NEURL1: variants seen among roughly 807,000 people sequenced by gnomAD.
NEURL1 encodes E3 ubiquitin-protein ligase NEURL1.
A neutral mutation model predicts 41.2 loss-of-function variants in NEURL1; 26 were observed. The ratio of observed to expected loss-of-function variants is 0.63; its 90% CI spans 0.46 to 0.87. The LOEUF is 0.87. NEURL1 is among the 40% of genes least tolerant of loss of function. The pLI is 0.00. For synonymous variants in NEURL1, 400 were observed against 402.3 expected, an observed-to-expected ratio of 0.99 and a Z score of 0.07; for missense variants, 761 against 871.1, an observed-to-expected ratio of 0.87 and a Z score of 1.59.
intron 1 of NEURL1, among the ~76,000 whole-genome samples, chr10:103,496,465 G>C (rs1432137571): frequency 6.6e-6 from 1 of 152,190 alleles, no homozygotes; most frequent in Non-Finnish European, 1.5e-5. Flanking sequence ...AAAAATGCTT[G>C]TAAAGTTTCC....
chr10:103,516,037 G>A (rs2034196860), intron 1 of NEURL1, among the ~76,000 whole-genome samples: 1 of 151,998 alleles, frequency 6.6e-6, no homozygotes, highest in African/African-American at 2.4e-5. Flanking sequence ...AGACCAGCCT[G>A]AGCAACATTG....
intron 1 of NEURL1, among the ~76,000 whole-genome samples, chr10:103,536,655 C>T (rs982275848): frequency 2.0e-5 from 3 of 152,146 alleles, no homozygotes; most frequent in Non-Finnish European, 4.4e-5. Flanking sequence ...GTCTTGTTCT[C>T]CTCCCGAGTG....
intron 1 of NEURL1, among the ~76,000 whole-genome samples, chr10:103,506,562 T>C (rs2133847037): frequency 6.6e-6 from 1 of 151,320 alleles, no homozygotes; most frequent in South Asian, 2.1e-4. Context: ...GTCTGCTGTC[T>C]GCTTTTTTTT....
Position 103,584,587 on chromosome 10 carries a change from T to C in NEURL1, c.701T>C (p.Leu234Pro). The C allele has an allele frequency of 7.1e-7, 1 of 1,414,600 alleles. No individual in the cohort carries two copies. Among genetic ancestry groups the C allele is most frequent in the Non-Finnish European group, 9.2e-7 (1 of 1,090,060 alleles). The allele number at this position is 1,414,600 out of a possible 1,614,324, so 87.6% of individuals were successfully genotyped here. ...DCLRPRSFTA[L>P]RRPSLRREAD... ...CTGCGGCCGCGCTCCTTCACCGCCCTGCGGCGGCCGTCGCTGCGGCGCGAG... is the reference window on the plus strand; with the variant it reads ...CTGCGGCCGCGCTCCTTCACCGCCCCGCGGCGGCCGTCGCTGCGGCGCGAG... The change falls in exon 4 of 6, where the codon CTG becomes CCG. Residue 234 changes from leucine (L) to proline (P), a missense_variant. Leu to Pro is a moderately conservative substitution (Grantham distance 98). This residue lies in a region of NEURL1 where 114 missense variants were observed against 144.8 expected (regional missense o/e 0.79). Coordinates refer to ENST00000369780, the MANE Select transcript of NEURL1 (RefSeq NM_004210.5).
At position 103,545,337 on chromosome 10, in the gene NEURL1, G is replaced by A. The variant is rs866035449; in HGVS notation, c.86-25535G>A. Among the ~76,000 whole-genome samples the A allele has an allele frequency of 6.6e-6, 1 of 152,206 alleles. No homozygotes were observed. The highest frequency in any genetic ancestry group is 2.1e-4 in the South Asian group (1 of 4,830). ...GCCAGCCACATGCCCATGGTCCCCA[G>A]GTCTTTAGGGACTAAAAGCCCCTGT... On this transcript the variant is annotated intron_variant, in intron 1 of 5. Coordinates refer to ENST00000369780, the MANE Select transcript of NEURL1 (RefSeq NM_004210.5). This position sits in a 1 kb window ranked among gnomAD's most constrained non-coding sequence, Gnocchi z 4.5.
In NEURL1 at chr10:103,590,627, C is replaced by G. The variant is rs1473869273; in HGVS notation, c.*255C>G. ...CTCCCTGTCTCTCCCGTCTCTGCAC[C>G]CAGCTCCTCTCTGCATGCTGAGGGC... On this transcript the variant is annotated 3_prime_UTR_variant, in exon 6 of 6. Coordinates refer to ENST00000369780, the MANE Select transcript of NEURL1 (RefSeq NM_004210.5). 2 of 539,742 alleles carry G rather than the reference C, an allele frequency of 3.7e-6. No individual in the cohort carries two copies. The highest frequency in any genetic ancestry group is 6.7e-6 in the Non-Finnish European group (2 of 300,426). 33.4% of individuals were successfully genotyped at this position (539,742 alleles called of 1,614,324 possible). A position where few individuals can be genotyped will look rare whatever the true frequency, so the allele number is the denominator to read the frequency against.
chr10:103,551,684 C>T (rs1272821555), intron 1 of NEURL1, among the ~76,000 whole-genome samples: 1 of 152,218 alleles, frequency 6.6e-6, no homozygotes. Flanking sequence ...GGGGCTGCCT[C>T]TCCCTCTAGA....
At chr10:103,564,010 C>G (rs377517559) in intron 1 of NEURL1, among the ~76,000 whole-genome samples, 1 of 152,236 alleles carries the variant, frequency 6.6e-6, no homozygotes, top group Non-Finnish European at 1.5e-5. Flanking sequence ...GAGCTCCCCC[C>G]CATCTCTCCT....
chr10:103,563,594 G>T (rs899698667), intron 1 of NEURL1, among the ~76,000 whole-genome samples: 1 of 152,202 alleles, frequency 6.6e-6, no homozygotes, highest in Non-Finnish European at 1.5e-5. Flanking sequence ...GTGGGGTTTG[G>T]AGAGGCGCAG....
intron 1 of NEURL1, among the ~76,000 whole-genome samples, chr10:103,500,198 C>G (rs2033791612): frequency 1.3e-5 from 2 of 152,152 alleles, no homozygotes; most frequent in Admixed American, 1.3e-4. Context: ...CCTTTGAACC[C>G]TGTTATGTTA....
intron 3 of NEURL1, among the ~76,000 whole-genome samples, chr10:103,582,341 C>A (rs145440552): frequency 6.6e-6 from 1 of 152,176 alleles, no homozygotes; most frequent in Non-Finnish European, 1.5e-5. Context: ...CTACCTCCCC[C>A]CTGCACAGGC....
At chr10:103,499,860 G>A (rs1007405490) in intron 1 of NEURL1, among the ~76,000 whole-genome samples, 4 of 152,016 alleles carry the variant, frequency 2.6e-5, no homozygotes, top group Admixed American at 6.6e-5. Flanking sequence ...CTCTGCCTCC[G>A]GTCCCTCCTT....
At chr10:103,507,782 G>A (rs1354854885) in intron 1 of NEURL1, among the ~76,000 whole-genome samples, 1 of 152,214 alleles carries the variant, frequency 6.6e-6, no homozygotes, top group Non-Finnish European at 1.5e-5. Flanking sequence ...TCCCAGGAGG[G>A]CAGAGGCAGC....
intron 1 of NEURL1, among the ~76,000 whole-genome samples, chr10:103,563,847 C>G (rs2035359659): frequency 6.6e-6 from 1 of 152,206 alleles, no homozygotes; most frequent in Non-Finnish European, 1.5e-5. Flanking sequence ...GCCCTGGGTT[C>G]AGATCTGGGC....
intron 1 of NEURL1, among the ~76,000 whole-genome samples, chr10:103,532,945 G>C (rs1407452483): frequency 3.0e-5 from 1 of 33,052 alleles, no homozygotes; most frequent in Non-Finnish European, 6.9e-5. Flanking sequence ...TTTTTTTTTT[G>C]AGATGGAGTC....
chr10:103,575,446 G>C (rs2035640675), intron 3 of NEURL1, among the ~76,000 whole-genome samples: 1 of 152,212 alleles, frequency 6.6e-6, no homozygotes, highest in Non-Finnish European at 1.5e-5. Context: ...TCTGAAGCCT[G>C]TGGTCAAAGC....
chr10:103,493,832 G>C lies in NEURL1; in HGVS notation c.-556G>C, dbSNP rs1394743122. On this transcript the variant is annotated 5_prime_UTR_variant, in exon 1 of 6. Transcript: ENST00000369780. ...CGGCGCGGGCGGGACCGCGGCGGTC[G>C]GGGGACACCAGCTGCGTCGGAGCGC... 6.6e-6 allele frequency: 1 copy of C among 151,818 alleles called. No individual in the cohort carries two copies. Among genetic ancestry groups the C allele is most frequent in the Non-Finnish European group, 1.5e-5 (1 of 67,956 alleles). The allele number at this position is 151,818 out of a possible 1,614,324, so 9.4% of individuals were successfully genotyped here. A position where few individuals can be genotyped will look rare whatever the true frequency, so the allele number is the denominator to read the frequency against.
At chr10:103,525,147 A>T (rs2034434331) in intron 1 of NEURL1, among the ~76,000 whole-genome samples, 1 of 149,832 alleles carries the variant, frequency 6.7e-6, no homozygotes, top group Non-Finnish European at 1.5e-5. Flanking sequence ...GAGATCTTTC[A>T]CTTCTTTGGT....
chr10:103,587,957 G>A (rs2035956277), intron 4 of NEURL1, among the ~76,000 whole-genome samples: 2 of 152,140 alleles, frequency 1.3e-5, no homozygotes, highest in Admixed American at 1.3e-4. Flanking sequence ...TGTGTGCAGG[G>A]CATTATGTTA....
Sources: allele counts gnomAD v4.1 joint callset (sites outside exome capture counted in the v4.1 genomes callset), GRCh38; gene constraint gnomAD v4.1.1; regional missense constraint gnomAD v4.1.1; non-coding constraint Gnocchi (gnomAD v3.1); transcripts MANE v1.5; gene names NCBI Gene and HGNC (gene_info 2026-07-23, HGNC 2026-07-21).